The following LIPG variants were observed in gnomAD, a reference collection of about 807,000 sequenced individuals.
The protein encoded by LIPG is lipase G, endothelial type, also known as endothelial lipase.
In LIPG, 34 loss-of-function variants were observed where a neutral mutation model predicts 51.8. The observed-to-expected ratio is 0.66, with a 90% confidence interval of 0.50 to 0.87. LIPG has a LOEUF of 0.87. Among genes scored for constraint, LIPG ranks in the 40% least tolerant of loss-of-function variants. LIPG has a pLI of 0.00. For synonymous variants in LIPG, 246 were observed against 246.1 expected, an observed-to-expected ratio of 1.00 and a Z score of 0.00; for missense variants, 580 against 652.7, an observed-to-expected ratio of 0.89 and a Z score of 1.21.
At chr18:49,561,858 A>G, upstream of LIPG, 1 of 1,262,496 alleles carries the variant, frequency 7.9e-7, no homozygotes, top group East Asian at 3.0e-5. Context: ...CGGGCCCGGG[A>G]GGAAGCGGGG....
chr18:49,567,742 A>G (rs2084622312), intron 3 of LIPG, 121 bp downstream of exon 3: 1 of 992,742 alleles, frequency 1.0e-6, no homozygotes. Flanking sequence ...AATCTTTGAG[A>G]TTAAAAGTTT....
rs34597464 is a variant in LIPG at position 49,576,457 on chromosome 18, C to CTTTTTTTTTTTTTTTTTTTTTTTTTTT, written c.793+868_793+894dup. The stretch of plus-strand genomic sequence containing the variant: ...TCTTTTTTTAAAAGACAGAATCTTG[C>CTTTTTTTTTTTTTTTTTTTTTTTTTTT]TTTTTTTTTTTTTTTTTTTTTTTTT... On this transcript the variant is annotated intron_variant, in intron 5 of 9. Coordinates refer to ENST00000261292, the MANE Select transcript of LIPG (RefSeq NM_006033.4). Among the ~76,000 whole-genome samples the CTTTTTTTTTTTTTTTTTTTTTTTTTTT allele has an allele frequency of 1.4e-4, 7 of 51,526 alleles. 2 individuals are homozygous for CTTTTTTTTTTTTTTTTTTTTTTTTTTT. Among genetic ancestry groups the CTTTTTTTTTTTTTTTTTTTTTTTTTTT allele is most frequent in the East Asian group, 9.4e-4 (2 of 2,134 alleles). 33.8% of individuals were successfully genotyped at this position (51,526 alleles called of 152,430 possible).
At chr18:49,581,840 G>A in intron 6 of LIPG, 183 bp downstream of exon 6, 2 of 736,670 alleles carry the variant, frequency 2.7e-6, no homozygotes, top group Non-Finnish European at 2.3e-6. Flanking sequence ...AATAAACAGT[G>A]TGGACCCCTT....
At chr18:49,576,566 C>G (rs1389615618) in intron 5 of LIPG, among the ~76,000 whole-genome samples, 1 of 142,710 alleles carries the variant, frequency 7.0e-6, no homozygotes, top group East Asian at 2.2e-4. Context: ...CTCCCAGATT[C>G]AAGCAATTCT....
At position 49,582,625 on chromosome 18, in the gene LIPG, T is replaced by C. The variant is rs1024165061; in HGVS notation, c.1157+143T>C. The C allele has an allele frequency of 1.8e-5, 20 of 1,085,248 alleles. No homozygotes were observed. The Admixed American group carries it at 3.7e-4, about 20-fold the overall frequency. The allele number at this position is 1,085,248 out of a possible 1,614,324, so 67.2% of individuals were successfully genotyped here. Reference sequence around the variant, plus strand: ...TCAGGGAGGAGCCAGGTGGTCTAGCTGGCCTCTGCAGTCCTCTCTCCCACT... The same window carrying C: ...TCAGGGAGGAGCCAGGTGGTCTAGCCGGCCTCTGCAGTCCTCTCTCCCACT... On this transcript the variant is annotated intron_variant, in intron 7 of 9. Transcript: ENST00000261292.
At position 49,575,562 on chromosome 18, in the gene LIPG, C is replaced by T. The variant is rs767799856; in HGVS notation, c.765C>T (p.Asn255=). Residue 255 remains asparagine, a synonymous_variant, in exon 5 of 10, where the codon AAC becomes AAT. Transcript: ENST00000261292. ...ACTTCCAGCCAGGCTGTGGACTCAA[C>T]GATGTCTTGGGATCAATTGCATATG... ...GGDFQPGCGL[N]DVLGSIAYGT... 22 of 1,614,052 alleles carry T rather than the reference C, an allele frequency of 1.4e-5. No individual in the cohort carries two copies. Among genetic ancestry groups the T allele is most frequent in the South Asian group, 7.7e-5 (7 of 91,078 alleles).
At chr18:49,567,156 G>GT (rs373665912) in intron 2 of LIPG, among the ~76,000 whole-genome samples, 1 of 152,168 alleles carries the variant, frequency 6.6e-6, no homozygotes, top group African/African-American at 2.4e-5. Flanking sequence ...GGGCAACATA[G>GT]TGAGACCCTG....
At chr18:49,577,707 A>C (rs1259517672) in intron 5 of LIPG, among the ~76,000 whole-genome samples, 5 of 68,624 alleles carry the variant, frequency 7.3e-5, no homozygotes, top group African/African-American at 1.7e-4. Flanking sequence ...TGACCCCCCA[A>C]CCTCCCTCCC....
At chr18:49,589,412 C>T (rs2084917613) in intron 9 of LIPG, 1 of 152,152 alleles carries the variant, frequency 6.6e-6, no homozygotes, top group Non-Finnish European at 1.5e-5. Flanking sequence ...TTCATTGATC[C>T]TCCAGACAAC....
intron 8 of LIPG, among the ~76,000 whole-genome samples, chr18:49,584,900 G>A (rs2084865813): frequency 6.6e-6 from 1 of 152,136 alleles, no homozygotes; most frequent in Non-Finnish European, 1.5e-5. Context: ...TTTTCCATTT[G>A]GGTTTAGATA....
chr18:49,590,967 T>C lies in LIPG; in HGVS notation c.*445T>C, dbSNP rs2084937265. The C allele has an allele frequency of 3.6e-6, 1 of 276,982 alleles. No homozygotes were observed. Among genetic ancestry groups the C allele is most frequent in the Non-Finnish European group, 7.1e-6 (1 of 140,958 alleles). The allele number at this position is 276,982 out of a possible 1,614,324, so 17.2% of individuals were successfully genotyped here. ...AGTCCTTCCGACAGGAGCTGACTCA[T>C]GTCAGGATGGCAGGCCTGGTATCTT... On this transcript the variant is annotated 3_prime_UTR_variant, in exon 10 of 10. Transcript: ENST00000261292.
In LIPG at chr18:49,569,478, C is replaced by T. The variant is rs1187106117; in HGVS notation, c.501C>T (p.Gly167=). ...CTCTCGGGAATGTCCACTTGATCGG[C>T]TACAGCCTCGGAGCGCACGTGGCCG... The part of the protein sequence containing the change: ...DFSLGNVHLI[G]YSLGAHVAGY... Residue 167 remains glycine, a synonymous_variant, in exon 4 of 10, where the codon GGC becomes GGT. Transcript: ENST00000261292. The T allele has an allele frequency of 1.9e-6, 3 of 1,614,090 alleles. No individual in the cohort carries two copies. The highest frequency in any genetic ancestry group is 2.5e-6 in the Non-Finnish European group (3 of 1,180,052).
intron 9 of LIPG, among the ~76,000 whole-genome samples, chr18:49,588,609 C>T (rs1479192052): frequency 6.6e-6 from 1 of 152,132 alleles, no homozygotes; most frequent in Non-Finnish European, 1.5e-5. Flanking sequence ...CCCAATCCTT[C>T]CCCTTTTTGG....
Position 49,591,920 on chromosome 18 carries a change from A to T in LIPG, c.*1398A>T, listed in dbSNP as rs977993228. 6.6e-6 allele frequency: 1 copy of T among 152,314 alleles called. No individual in the cohort carries two copies. Among genetic ancestry groups the T allele is most frequent in the African/African-American group, 2.4e-5 (1 of 41,568 alleles). The allele number at this position is 152,314 out of a possible 1,614,324, so 9.4% of individuals were successfully genotyped here. A position where few individuals can be genotyped will look rare whatever the true frequency, so the allele number is the denominator to read the frequency against. Reference sequence around the variant, plus strand: ...AGGCAAAGTCTATCTCTGAAACTCCATGAAGACTTTTGCAGCCAGTTCCCA... The same window carrying T: ...AGGCAAAGTCTATCTCTGAAACTCCTTGAAGACTTTTGCAGCCAGTTCCCA... On this transcript the variant is annotated 3_prime_UTR_variant, in exon 10 of 10. Transcript: ENST00000261292.
intron 6 of LIPG, 47 bp from the exon 7 acceptor site, chr18:49,582,315 G>A: frequency 6.2e-7 from 1 of 1,613,528 alleles, no homozygotes; most frequent in Non-Finnish European, 8.5e-7. Flanking sequence ...GGTCTCCTGT[G>A]ATGACAAGCA....
chr18:49,562,482 C>T (rs2084561499), intron 1 of LIPG, 77 bp downstream of exon 1: 6 of 1,245,674 alleles, frequency 4.8e-6, no homozygotes, highest in Middle Eastern at 1.9e-4. Flanking sequence ...TTCTTCAAAC[C>T]CTCCTTGTTC....
At chr18:49,567,765 T>A in intron 3 of LIPG, 144 bp downstream of exon 3, 1 of 782,456 alleles carries the variant, frequency 1.3e-6, no homozygotes, top group Non-Finnish European at 2.0e-6. Flanking sequence ...TTGAATTAAG[T>A]ATTGTTTGGA....
At position 49,590,905 on chromosome 18, in the gene LIPG, C is replaced by A; in HGVS notation, c.*383C>A. ...CTCCGAAGAGGCCCTGTGTAGAAGG[C>A]TGTCAGCTGCTCAGCCTGCTTTGAG... On this transcript the variant is annotated 3_prime_UTR_variant, in exon 10 of 10. Coordinates refer to ENST00000261292, the MANE Select transcript of LIPG (RefSeq NM_006033.4). 1 of 334,934 alleles carries A rather than the reference C, an allele frequency of 3.0e-6. No homozygotes were observed. The highest frequency in any genetic ancestry group is 5.8e-6 in the Non-Finnish European group (1 of 172,858). The allele number at this position is 334,934 out of a possible 1,614,324, so 20.7% of individuals were successfully genotyped here.
At chr18:49,569,392 C>T (rs773749002) in intron 3 of LIPG, 45 bp from the exon 4 acceptor site, 2 of 1,530,840 alleles carry the variant, frequency 1.3e-6, no homozygotes, top group African/African-American at 1.4e-5. Context: ...TCTGGGGGCT[C>T]TGGACCCTGC....
Sources: allele counts gnomAD v4.1 joint callset (sites outside exome capture counted in the v4.1 genomes callset), GRCh38; gene constraint gnomAD v4.1.1; transcripts MANE v1.5; gene names NCBI Gene and HGNC (gene_info 2026-07-23, HGNC 2026-07-21).